The following KRT82 variants were observed in gnomAD, a reference collection of about 807,000 sequenced individuals.
KRT82 encodes keratin, type II cuticular Hb2.
In KRT82, 44 loss-of-function variants were observed where a neutral mutation model predicts 48.0. That is an observed-to-expected ratio of 0.92 (90% confidence interval 0.72 to 1.18). KRT82 has a LOEUF of 1.18. Ranked by LOEUF, KRT82 falls within the 50% of genes most tolerant of loss-of-function variation. The pLI is 0.00. For synonymous variants in KRT82, 297 were observed against 278.3 expected, an observed-to-expected ratio of 1.07 and a Z score of -0.67; for missense variants, 701 against 671.4, an observed-to-expected ratio of 1.04 and a Z score of -0.49.
chr12:52,405,789 G>A, intron 1 of KRT82, 78 bp downstream of exon 1: 1 of 1,437,594 alleles, frequency 7.0e-7, no homozygotes, highest in Non-Finnish European at 9.4e-7. Context: ...TCTCCTCCTG[G>A]TTCCCTTGGA....
At position 52,405,949 on chromosome 12, in the gene KRT82, T is replaced by G; in HGVS notation, c.329A>C (p.Asp110Ala). 6.2e-7 allele frequency: 1 copy of G among 1,614,116 alleles called. No individual in the cohort carries two copies. Among genetic ancestry groups the G allele is most frequent in the Non-Finnish European group, 8.5e-7 (1 of 1,180,034 alleles). The change falls in exon 1 of 9, where the codon GAC becomes GCC. Residue 110 changes from aspartate (D) to alanine (A), a missense_variant. Asp to Ala is a moderately radical substitution (Grantham distance 126). Coordinates refer to ENST00000257974, the MANE Select transcript of KRT82 (RefSeq NM_033033.4). ...CCTCTTTACCCTCTGCACAGTCGGG[T>G]CTATCTCCAGTGCCAGTGGGACCAG... Reference protein sequence around the residue: ...SLLVPLALEIDPTVQRVKRDE... With the variant: ...SLLVPLALEIAPTVQRVKRDE...
At chr12:52,403,980 A>G in intron 1 of KRT82, 71 bp from the exon 2 acceptor site, 1 of 1,440,418 alleles carries the variant, frequency 6.9e-7, no homozygotes, top group African/African-American at 1.4e-5. Context: ...GGGCAATGGA[A>G]TGAGTTTCTG....
chr12:52,405,314 T>A (rs1299357523), intron 1 of KRT82, among the ~76,000 whole-genome samples: 1 of 152,238 alleles, frequency 6.6e-6, no homozygotes, highest in African/African-American at 2.4e-5. Flanking sequence ...CATGCCTTCC[T>A]AGCAGCCTTT....
rs774792007 is a variant in KRT82 at position 52,396,217 on chromosome 12, C to T, written c.1084G>A (p.Gly362Ser). The change falls in exon 7 of 9, where the codon GGT becomes AGT. Residue 362 changes from glycine to serine, a missense_variant. Gly to Ser is a moderately conservative substitution (Grantham distance 56). Coordinates refer to ENST00000257974, the MANE Select transcript of KRT82 (RefSeq NM_033033.4). ...NVKAQRCKLE[G>S]AIAEAEQQGE... ...TGCTGCTCTGCCTCAGCTATGGCAC[C>T]CTCAAGTTTGCAGCGCTGTGGGAGG... 1 of 1,613,308 alleles carries T rather than the reference C, an allele frequency of 6.2e-7. No individual in the cohort carries two copies. Among genetic ancestry groups the T allele is most frequent in the South Asian group, 1.1e-5 (1 of 91,062 alleles).
intron 6 of KRT82, among the ~76,000 whole-genome samples, 190 bp from the exon 7 acceptor site, chr12:52,396,422 C>T (rs947279790): frequency 2.6e-5 from 4 of 152,124 alleles, no homozygotes; most frequent in East Asian, 1.9e-4. Context: ...TCCAAGAGAG[C>T]GGGGATTTTC....
rs537488020 is a variant in KRT82, at chr12:52,400,291, T to C, written c.778-142A>G. ...TTCTGGGCTTCAGTCACCAACTGAC[T>C]CCTTGTCCCCACCCTCTGGTTGCCC... On this transcript the variant is annotated intron_variant, in intron 4 of 8. Coordinates refer to ENST00000257974, the MANE Select transcript of KRT82 (RefSeq NM_033033.4). 24 of 904,578 alleles carry C rather than the reference T, an allele frequency of 2.7e-5. No individual in the cohort carries two copies. In the South Asian group the frequency reaches 3.6e-4, roughly 14 times the overall value. 56.0% of individuals were successfully genotyped at this position (904,578 alleles called of 1,614,324 possible).
chr12:52,402,093 G>A (rs1441946610), intron 2 of KRT82: 2 of 152,238 alleles, frequency 1.3e-5, no homozygotes, highest in African/African-American at 4.8e-5. Flanking sequence ...AAGTGACTTG[G>A]CCTTTCTGCC....
At chr12:52,403,567 C>T (rs1043850936) in intron 2 of KRT82, 134 bp downstream of exon 2, 37 of 671,434 alleles carry the variant, frequency 5.5e-5, no homozygotes, top group Non-Finnish European at 9.5e-5. Context: ...CTGCTGACAC[C>T]ATCCCACCTA....
At chr12:52,395,223 G>T in intron 8 of KRT82, 28 bp from the exon 9 acceptor site, 1 of 1,589,258 alleles carries the variant, frequency 6.3e-7, no homozygotes, top group Non-Finnish European at 8.6e-7. Context: ...GGTGCTCAGG[G>T]CCCCACACGG....
rs1442269275 is a variant in KRT82, at chr12:52,406,087, C to T, written c.191G>A (p.Arg64Lys). 3 of 1,613,594 alleles carry T rather than the reference C, an allele frequency of 1.9e-6. No individual in the cohort carries two copies. The highest frequency in any genetic ancestry group is 1.1e-5 in the South Asian group (1 of 91,060). ...TCCACACCTGGAGGCTACCCGGGGC[C>T]TCCCAAAGCCCACGTTGCACAGGCT... The part of the protein sequence containing the change: ...SRSLCNVGFG[R>K]PRVASRCGGT... Residue 64 changes from arginine (R) to lysine (K), a missense_variant, in exon 1 of 9, where the codon AGG (arginine) becomes AAG (lysine). Physicochemically the swap from Arg to Lys is conservative, Grantham distance 26 (BLOSUM62 2). Transcript: ENST00000257974.
intron 5 of KRT82, 72 bp downstream of exon 5, chr12:52,399,913 G>A: frequency 6.7e-7 from 1 of 1,486,840 alleles, no homozygotes. Context: ...TGCGGAGAAG[G>A]AGTCTGGGGG....
chr12:52,396,228 C>T lies in KRT82; in HGVS notation c.1073G>A (p.Cys358Tyr). The T allele has an allele frequency of 1.2e-6, 2 of 1,612,046 alleles. No individual in the cohort carries two copies. Among genetic ancestry groups the T allele is most frequent in the South Asian group, 1.1e-5 (1 of 91,006 alleles). ...CTCAGCTATGGCACCCTCAAGTTTG[C>T]AGCGCTGTGGGAGGGGCGCAGAAAA... Reference protein sequence around the residue: ...QETENVKAQRCKLEGAIAEAE... With the variant: ...QETENVKAQRYKLEGAIAEAE... Residue 358 changes from cysteine to tyrosine, a missense_variant, in exon 7 of 9, where the codon TGC (cysteine) becomes TAC (tyrosine). Cys to Tyr is a radical substitution (Grantham distance 194). Transcript: ENST00000257974.
In KRT82 at chr12:52,403,692, C is replaced by T. The variant is rs542060064; in HGVS notation, c.620+9G>A. ...GTCCACCAGTGGGGTAAAAGCAGCA[C>T]TGACTCACTTTTTCTTGTAGCCCTC... is the stretch of plus-strand genomic sequence containing the variant. On this transcript the variant is annotated intron_variant, in intron 2 of 8. Coordinates refer to ENST00000257974, the MANE Select transcript of KRT82 (RefSeq NM_033033.4). 30 of 1,554,790 alleles carry T rather than the reference C, an allele frequency of 1.9e-5. No homozygotes were observed. The South Asian group carries it at 3.1e-4, about 16-fold the overall frequency.
chr12:52,397,300 T>C (rs1278395657), intron 5 of KRT82, among the ~76,000 whole-genome samples: 1 of 152,212 alleles, frequency 6.6e-6, no homozygotes, highest in Non-Finnish European at 1.5e-5. Context: ...TCCTTTTCTC[T>C]GTCCCAGAGC....
chr12:52,402,838 C>T lies in KRT82; in HGVS notation c.620+863G>A, dbSNP rs186175938. ...ACCCAAACCCTTATGACCTGTTGCT[C>T]TCAGTATATTTGCCCTGTTTCTCCT... is the stretch of plus-strand genomic sequence containing the variant. On this transcript the variant is annotated intron_variant, in intron 2 of 8. Transcript: ENST00000257974. 6.1e-4 allele frequency among the ~76,000 whole-genome samples: 93 copies of T among 152,328 alleles called. 2 individuals carry two copies. Among genetic ancestry groups the T allele is most frequent in the Admixed American group, 4.7e-3 (72 of 15,302 alleles).
intron 2 of KRT82, among the ~76,000 whole-genome samples, chr12:52,402,937 C>T (rs1022328526): frequency 6.6e-6 from 1 of 152,164 alleles, no homozygotes; most frequent in Non-Finnish European, 1.5e-5. Flanking sequence ...TGTCACAAGG[C>T]ACTGGATTCC....
At chr12:52,402,168 T>A (rs1939798942) in intron 2 of KRT82, 1 of 152,264 alleles carries the variant, frequency 6.6e-6, no homozygotes, top group South Asian at 2.1e-4. Flanking sequence ...ACAGGGCTGT[T>A]GTGAGCTAAC....
intron 8 of KRT82, 29 bp from the exon 9 acceptor site, chr12:52,395,224 C>A: frequency 6.3e-7 from 1 of 1,590,368 alleles, no homozygotes; most frequent in African/African-American, 1.3e-5. Flanking sequence ...GTGCTCAGGG[C>A]CCCACACGGT....
Position 52,395,125 on chromosome 12 carries a change from G to A in KRT82, c.1392C>T (p.Gly464=), listed in dbSNP as rs776841826. The A allele has an allele frequency of 1.5e-5, 24 of 1,613,942 alleles. No individual in the cohort carries two copies. The highest frequency in any genetic ancestry group is 3.3e-4 in the Middle Eastern group (2 of 6,084). ...CGVSTPVLST[G]VLRSNGGCSI... ...TGCAGCCCCCATTGCTCCTGAGGACGCCAGTGCTGAGGACAGGCGTGCTGA... is the reference window on the plus strand; with the variant it reads ...TGCAGCCCCCATTGCTCCTGAGGACACCAGTGCTGAGGACAGGCGTGCTGA... Residue 464 remains glycine, a synonymous_variant, in exon 9 of 9, where the codon GGC becomes GGT. Coordinates refer to ENST00000257974, the MANE Select transcript of KRT82 (RefSeq NM_033033.4).
Sources: allele counts gnomAD v4.1 joint callset (sites outside exome capture counted in the v4.1 genomes callset), GRCh38; gene constraint gnomAD v4.1.1; transcripts MANE v1.5; gene names NCBI Gene and HGNC (gene_info 2026-07-23, HGNC 2026-07-21).